CACNA1E: variants seen among roughly 807,000 people sequenced by gnomAD.
The protein encoded by CACNA1E is voltage-dependent R-type calcium channel subunit alpha-1E.
Under a neutral mutation model 259.2 loss-of-function variants are expected in CACNA1E, and 40 were observed. The observed-to-expected ratio is 0.15, with a 90% CI of 0.12 to 0.20. The LOEUF is 0.20. Ranked by LOEUF, CACNA1E falls within the 10% of genes least tolerant of loss-of-function variation. CACNA1E has a pLI of 1.00. For missense variants in CACNA1E, 1,874 were observed against 3,040.1 expected (o/e 0.62, Z 9.02); for synonymous variants, 1,104 against 1,138.5 (o/e 0.97, Z 0.61).
intron 2 of CACNA1E, among the ~76,000 whole-genome samples, chr1:181,418,175 T>C (rs142747327): frequency 6.6e-6 from 1 of 152,306 alleles, no homozygotes; most frequent in East Asian, 1.9e-4. Flanking sequence ...TATTTTATGT[T>C]TTTTTAGAGA....
chr1:181,633,450 G>C (rs1211450606), intron 6 of CACNA1E, among the ~76,000 whole-genome samples: 1 of 152,058 alleles, frequency 6.6e-6, no homozygotes, highest in Non-Finnish European at 1.5e-5. Context: ...TACCATGGTA[G>C]GCAGAGAGGT....
At chr1:181,380,501 A>G (rs1235032088) in intron 1 of CACNA1E, among the ~76,000 whole-genome samples, 1 of 152,232 alleles carries the variant, frequency 6.6e-6, no homozygotes, top group Non-Finnish European at 1.5e-5. Flanking sequence ...CTGCAAATCA[A>G]CATCCCCCAT....
chr1:181,464,454 G>A (rs1385135508), intron 2 of CACNA1E, among the ~76,000 whole-genome samples: 2 of 151,534 alleles, frequency 1.3e-5, no homozygotes, highest in Admixed American at 1.3e-4. Flanking sequence ...TTGTTTTTAG[G>A]TACCTTATGG....
At chr1:181,371,046 T>C (rs1353582714) in intron 1 of CACNA1E, among the ~76,000 whole-genome samples, 1 of 152,252 alleles carries the variant, frequency 6.6e-6, no homozygotes, top group East Asian at 1.9e-4. Context: ...TTTTTTCATA[T>C]GCTTGTTGGC....
intron 7 of CACNA1E, among the ~76,000 whole-genome samples, chr1:181,661,276 T>G (rs557083485): frequency 6.6e-6 from 1 of 152,004 alleles, no homozygotes; most frequent in African/African-American, 2.4e-5. Flanking sequence ...AGAAGGTACA[T>G]AGAGAAGCAA....
At chr1:181,668,216 A>C (rs921958001) in intron 7 of CACNA1E, among the ~76,000 whole-genome samples, 1 of 152,226 alleles carries the variant, frequency 6.6e-6, no homozygotes, top group Non-Finnish European at 1.5e-5. Context: ...TCATTTCAAG[A>C]ATGTTAAATA....
intron 4 of CACNA1E, 108 bp from the exon 5 acceptor site, chr1:181,578,964 A>C: frequency 3.3e-6 from 3 of 908,338 alleles, no homozygotes; most frequent in Non-Finnish European, 4.9e-6. Flanking sequence ...AATCTATCAG[A>C]GGCAGACGGC....
At chr1:181,523,252 TC>T (rs1367778040) in intron 3 of CACNA1E, among the ~76,000 whole-genome samples, 1 of 152,086 alleles carries the variant, frequency 6.6e-6, no homozygotes, top group African/African-American at 2.4e-5. Flanking sequence ...TGATTTCCAC[TC>T]CCCCCAGCTG....
rs2102558028 is a variant in CACNA1E, at chr1:181,733,606, C to G, written c.3118C>G (p.Leu1040Val). The G allele has an allele frequency of 6.2e-7, 1 of 1,612,986 alleles. No homozygotes were observed. The highest frequency in any genetic ancestry group is 8.5e-7 in the Non-Finnish European group (1 of 1,179,486). Residue 1040 changes from leucine (L) to valine (V), a missense_variant, in exon 21 of 48, where the codon CTA becomes GTA. By Grantham distance (32) the Leu-to-Val change is conservative. Around this residue, in one of 14 missense-constraint regions of CACNA1E, gnomAD observed 476 missense variants for 514.0 expected, o/e 0.93. Transcript: ENST00000367573. Reference protein sequence around the residue: ...SEQALLGNVQLDMGRVISQSE... With the variant: ...SEQALLGNVQVDMGRVISQSE... ...GCAGGCCCTGCTGGGGAATGTGCAG[C>G]TAGACATGGGCCGGGTCATCAGCCA...
chr1:181,542,590 G>T (rs903274595), intron 3 of CACNA1E, among the ~76,000 whole-genome samples: 8 of 151,756 alleles, frequency 5.3e-5, no homozygotes, highest in Non-Finnish European at 1.0e-4. Flanking sequence ...TTCCCCATTG[G>T]CTCAGCACTT....
intron 6 of CACNA1E, among the ~76,000 whole-genome samples, chr1:181,592,859 C>T (rs961006532): frequency 3.3e-5 from 5 of 152,216 alleles, no homozygotes; most frequent in South Asian, 2.1e-4. Flanking sequence ...AATCCACCTT[C>T]GACTTAGACC....
intron 1 of CACNA1E, among the ~76,000 whole-genome samples, chr1:181,509,434 T>C (rs1263158875): frequency 6.6e-6 from 1 of 152,156 alleles, no homozygotes; most frequent in Non-Finnish European, 1.5e-5. Context: ...CCCTCCACTT[T>C]GCCAGATCTA....
At position 181,372,115 on chromosome 1, in the gene CACNA1E, T is replaced by C. The variant is rs114644242; in HGVS notation, c.-14-41018T>C. On this transcript the variant is annotated intron_variant, in intron 1 of 11. Transcript: ENST00000524607. ...GTTCCATATGAATTTTAGAATAGTTTCTTATAATTCTGTGAAAAATGACAT... is the reference window on the plus strand; with the variant it reads ...GTTCCATATGAATTTTAGAATAGTTCCTTATAATTCTGTGAAAAATGACAT... Among the ~76,000 whole-genome samples, 620 of 152,346 alleles carry C rather than the reference T, an allele frequency of 4.1e-3. 1 individual carries two copies. Among genetic ancestry groups the C allele is most frequent in the Non-Finnish European group, 7.3e-3 (499 of 68,038 alleles).
At chr1:181,426,688 A>ATCCCTGTCCAT (rs1659261359) in intron 2 of CACNA1E, among the ~76,000 whole-genome samples, 1 of 57,900 alleles carries the variant, frequency 1.7e-5, no homozygotes, top group African/African-American at 7.8e-5. Flanking sequence ...CCCCTTCACA[A>ATCCCTGTCCAT]CTCAACCCCT....
At chr1:181,543,028 C>T (rs555054089) in intron 3 of CACNA1E, among the ~76,000 whole-genome samples, 1 of 151,254 alleles carries the variant, frequency 6.6e-6, no homozygotes, top group South Asian at 2.1e-4. Context: ...CTCATATAAC[C>T]AAGGAATTTT....
At chr1:181,608,796 C>A (rs1314267692) in intron 6 of CACNA1E, among the ~76,000 whole-genome samples, 2 of 152,190 alleles carry the variant, frequency 1.3e-5, no homozygotes, top group Non-Finnish European at 2.9e-5. Flanking sequence ...CTTGGGACAT[C>A]TCTGCTACTG....
intron 1 of CACNA1E, among the ~76,000 whole-genome samples, chr1:181,498,586 C>T (rs1223777803): frequency 1.3e-5 from 2 of 152,226 alleles, no homozygotes; most frequent in South Asian, 2.1e-4. Flanking sequence ...TCCTCCATTT[C>T]CCTTCCCATC....
chr1:181,601,074 CAG>C (rs1179099076), intron 6 of CACNA1E, among the ~76,000 whole-genome samples: 1 of 152,044 alleles, frequency 6.6e-6, no homozygotes, highest in Non-Finnish European at 1.5e-5. Context: ...GTTATTATGA[CAG>C]GGGCTACTTT....
At chr1:181,393,187 C>T (rs956802397) in intron 1 of CACNA1E, among the ~76,000 whole-genome samples, 13 of 152,064 alleles carry the variant, frequency 8.5e-5, no homozygotes, top group African/African-American at 2.4e-4. Flanking sequence ...GGAAGGCTGC[C>T]GGGGTTCAAA....
Sources: gnomAD v4.1 joint callset for allele counts (sites outside exome capture counted in the v4.1 genomes callset) on GRCh38, gnomAD v4.1.1 for gene constraint, gnomAD v4.1.1 regional missense constraint, MANE v1.5 for transcripts, NCBI Gene and HGNC (gene_info 2026-07-23, HGNC 2026-07-21) for gene names.